TMEM132D: variants seen among roughly 807,000 people sequenced by gnomAD.
TMEM132D encodes transmembrane protein 132D, also known as mature OL transmembrane protein.
In TMEM132D, 21 loss-of-function variants were observed where a neutral mutation model predicts 62.3. That is an observed-to-expected ratio of 0.34 (90% CI 0.24 to 0.49). The LOEUF (loss-of-function observed/expected upper bound fraction) is 0.49. Ranked by LOEUF, TMEM132D falls within the 20% of genes least tolerant of loss-of-function variation. TMEM132D has a pLI of 0.99. For synonymous variants in TMEM132D, 621 were observed against 575.6 expected (o/e 1.08, Z -1.13); for missense variants, 1,346 against 1,402.8 (o/e 0.96, Z 0.65).
chr12:129,396,184 T>C (rs1202551785), intron 3 of TMEM132D, among the ~76,000 whole-genome samples: 2 of 151,990 alleles, frequency 1.3e-5, no homozygotes, highest in Non-Finnish European at 2.9e-5. Context: ...TATGTAAAAT[T>C]AGCATAAACA....
At chr12:129,859,642 GA>G (rs1349178426) in intron 1 of TMEM132D, among the ~76,000 whole-genome samples, 1 of 152,180 alleles carries the variant, frequency 6.6e-6, no homozygotes, top group Non-Finnish European at 1.5e-5. Flanking sequence ...AACGCGGCTA[GA>G]AAAAAGCAGG....
chr12:129,519,928 G>A (rs977651599), intron 3 of TMEM132D, among the ~76,000 whole-genome samples: 1 of 152,074 alleles, frequency 6.6e-6, no homozygotes, highest in Non-Finnish European at 1.5e-5. Context: ...TGTTTTAAAG[G>A]TATCAAGGAA....
At chr12:129,432,241 G>A (rs1205308361) in intron 3 of TMEM132D, among the ~76,000 whole-genome samples, 2 of 151,302 alleles carry the variant, frequency 1.3e-5, no homozygotes, top group Admixed American at 1.3e-4. Flanking sequence ...ATGGATGGAT[G>A]GATGGTTGCT....
chr12:129,431,125 TG>T (rs1872643196), intron 3 of TMEM132D, among the ~76,000 whole-genome samples: 1 of 152,236 alleles, frequency 6.6e-6, no homozygotes, highest in Admixed American at 6.5e-5. Context: ...TAACAGCAGC[TG>T]AGATGGTTCC....
intron 3 of TMEM132D, among the ~76,000 whole-genome samples, chr12:129,343,083 C>T (rs1367354329): frequency 6.6e-6 from 1 of 152,166 alleles, no homozygotes; most frequent in Admixed American, 6.5e-5. Context: ...TGGGTATATA[C>T]CCAAAGGATT....
At chr12:129,204,878 T>C (rs1412790529) in intron 5 of TMEM132D, among the ~76,000 whole-genome samples, 1 of 152,158 alleles carries the variant, frequency 6.6e-6, no homozygotes, top group Non-Finnish European at 1.5e-5. Context: ...ATATTCAACA[T>C]TCATAAAGAA....
intron 2 of TMEM132D, among the ~76,000 whole-genome samples, chr12:129,659,851 G>T (rs1880191527): frequency 6.6e-6 from 1 of 152,152 alleles, no homozygotes; most frequent in African/African-American, 2.4e-5. Flanking sequence ...CTTTTCAACT[G>T]AGAAACAAAA....
At position 129,885,380 on chromosome 12, in the gene TMEM132D, T is replaced by G. The variant is rs187669804; in HGVS notation, c.79+17881A>C. Among the ~76,000 whole-genome samples the G allele has an allele frequency of 2.0e-4, 31 of 152,336 alleles. No individual in the cohort carries two copies. The East Asian group carries it at 6.0e-3, about 29-fold the overall frequency. On this transcript the variant is annotated intron_variant, in intron 1 of 8. Coordinates refer to ENST00000422113, the MANE Select transcript of TMEM132D (RefSeq NM_133448.3). The stretch of plus-strand genomic sequence containing the variant: ...CCTCAACCCTTGTACACACAACAGA[T>G]GGCTTCCCTTGAAGGACCTGCTCCA...
At chr12:129,820,061 C>T (rs1872501661) in intron 1 of TMEM132D, among the ~76,000 whole-genome samples, 1 of 152,180 alleles carries the variant, frequency 6.6e-6, no homozygotes, top group African/African-American at 2.4e-5. Context: ...GTTCCTCTCA[C>T]CTGGCACTCT....
chr12:129,193,495 A>AC (rs1254825950), intron 5 of TMEM132D, among the ~76,000 whole-genome samples: 1 of 152,228 alleles, frequency 6.6e-6, no homozygotes, highest in Non-Finnish European at 1.5e-5. Context: ...AAATCCCTTG[A>AC]CCCATAGTAT....
At chr12:129,861,794 G>A (rs1022916799) in intron 1 of TMEM132D, among the ~76,000 whole-genome samples, 9 of 149,360 alleles carry the variant, frequency 6.0e-5, no homozygotes, top group Non-Finnish European at 8.9e-5. Context: ...CCATTATTCT[G>A]GAGGTCACAA....
chr12:129,323,562 T>C (rs1868791055), intron 4 of TMEM132D, among the ~76,000 whole-genome samples: 1 of 152,124 alleles, frequency 6.6e-6, no homozygotes, highest in African/African-American at 2.4e-5. Flanking sequence ...AGCTTAAGAT[T>C]GTCAAAAAAC....
intron 3 of TMEM132D, among the ~76,000 whole-genome samples, chr12:129,518,003 T>G (rs76784668): frequency 0.032 from 4,803 of 152,266 alleles, 294 homozygotes; most frequent in African/African-American, 0.11. Context: ...GGCAAAAAGA[T>G]AGTCACTTAA....
intron 2 of TMEM132D, among the ~76,000 whole-genome samples, chr12:129,593,406 C>T (rs1383101038): frequency 6.6e-6 from 1 of 152,150 alleles, no homozygotes; most frequent in Non-Finnish European, 1.5e-5. Context: ...AGAAGAAAGA[C>T]AAGTAAAACT....
At chr12:129,580,076 T>A (rs1877799546) in intron 2 of TMEM132D, among the ~76,000 whole-genome samples, 4 of 152,160 alleles carry the variant, frequency 2.6e-5, no homozygotes, top group Non-Finnish European at 5.9e-5. Flanking sequence ...CCAATAGGCC[T>A]TAAGGGGTCA....
intron 2 of TMEM132D, among the ~76,000 whole-genome samples, chr12:129,695,007 C>CA (rs1442592913): frequency 1.3e-5 from 2 of 151,886 alleles, no homozygotes; most frequent in Non-Finnish European, 2.9e-5. Flanking sequence ...GACTCCGTCT[C>CA]AAAAAAATAA....
At chr12:129,822,848 G>A (rs766414403) in intron 1 of TMEM132D, among the ~76,000 whole-genome samples, 12 of 152,162 alleles carry the variant, frequency 7.9e-5, no homozygotes, top group Non-Finnish European at 1.5e-4. Context: ...GACATTTGGG[G>A]ATTATTGTAA....
chr12:129,072,552 A>G lies in TMEM132D; in HGVS notation c.*1323T>C, dbSNP rs949194162. 2 of 152,354 alleles carry G rather than the reference A, an allele frequency of 1.3e-5. No homozygotes were observed. The highest frequency in any genetic ancestry group is 2.9e-5 in the Non-Finnish European group (2 of 68,144). The allele number at this position is 152,354 out of a possible 1,614,324, so 9.4% of individuals were successfully genotyped here. On this transcript the variant is annotated 3_prime_UTR_variant, in exon 9 of 9. Transcript: ENST00000422113. ...CAGGACCAAGTGCTTGCAAACCTGC[A>G]TCTTCACCACATGCACTGATGCCCC...
At chr12:129,400,004 T>C (rs1566057333) in intron 3 of TMEM132D, among the ~76,000 whole-genome samples, 1 of 152,120 alleles carries the variant, frequency 6.6e-6, no homozygotes, top group East Asian at 1.9e-4. Context: ...GTGATTGTGA[T>C]GATAGATCAT....
Sources: allele counts gnomAD v4.1 joint callset (sites outside exome capture counted in the v4.1 genomes callset), GRCh38; gene constraint gnomAD v4.1.1; transcripts MANE v1.5; gene names NCBI Gene and HGNC (gene_info 2026-07-23, HGNC 2026-07-21).